SYNE1: variants seen among roughly 807,000 people sequenced by gnomAD.
SYNE1 encodes spectrin repeat containing nuclear envelope protein 1.
A neutral mutation model predicts 1,111.0 loss-of-function variants in SYNE1; 616 were observed. The ratio of observed to expected loss-of-function variants is 0.55; its 90% CI spans 0.52 to 0.59. The LOEUF (loss-of-function observed/expected upper bound fraction) is 0.59, where lower values mean the gene tolerates loss of function less well. Among genes scored for constraint, SYNE1 ranks in the 20% least tolerant of loss-of-function variants. The pLI, the probability that SYNE1 is intolerant of heterozygous loss-of-function variation, is 0.00. For missense variants in SYNE1, 10,006 were observed against 10,417.0 expected, an observed-to-expected ratio of 0.96 and a Z score of 1.72; for synonymous variants, 3,855 against 3,825.8, an observed-to-expected ratio of 1.01 and a Z score of -0.28.
chr6:152,544,468 T>G (rs1180110773), intron 3 of SYNE1, among the ~76,000 whole-genome samples: 1 of 152,104 alleles, frequency 6.6e-6, no homozygotes, highest in African/African-American at 2.4e-5. Flanking sequence ...CCTCAGGAAT[T>G]GGAGTCAGCT....
rs886042801 is a variant in SYNE1, at chr6:152,164,246, G to A, written c.23707C>T (p.His7903Tyr). 21 of 1,614,054 alleles carry A rather than the reference G, an allele frequency of 1.3e-5. No individual in the cohort carries two copies. The highest frequency in any genetic ancestry group is 1.8e-5 in the Non-Finnish European group (21 of 1,180,050). Residue 7903 changes from histidine to tyrosine, a missense_variant, in exon 131 of 146, where the codon CAC becomes TAC. His to Tyr is a moderately conservative substitution (Grantham distance 83). Coordinates refer to ENST00000367255, the MANE Select transcript of SYNE1 (RefSeq NM_182961.4). ...NMSSLRTWLA[H>Y]IESELAKPIV... ...GGCTTGGCCAGCTCTGACTCGATGT[G>A]AGCGAGCCAGGTCCTCAGGCTGCTC...
At chr6:152,510,498 C>T (rs2099079736) in intron 7 of SYNE1, 127 bp from the exon 8 acceptor site, 1 of 1,077,800 alleles carries the variant, frequency 9.3e-7, no homozygotes, top group Non-Finnish European at 1.4e-6. Context: ...AAAATGCAAG[C>T]TCTTAAAGGG....
At chr6:152,334,337 G>C (rs2096326994) in intron 76 of SYNE1, 64 bp from the exon 77 acceptor site, 3 of 1,573,690 alleles carry the variant, frequency 1.9e-6, no homozygotes, top group African/African-American at 2.7e-5. Context: ...AATATAGAGA[G>C]CAACACAGAC....
chr6:152,415,789 TAAAAAAAAAAAA>T lies in SYNE1; in HGVS notation c.6050+586_6050+597del, dbSNP rs1209590450. ...GTCGTTAATCTTATCTTCAAAGTGG[TAAAAAAAAAAAA>T]AAAAAAAAAAAAAAGAAGAGGAAGA... is the stretch of plus-strand genomic sequence containing the variant. On this transcript the variant is annotated intron_variant, in intron 41 of 145. Coordinates refer to ENST00000367255, the MANE Select transcript of SYNE1 (RefSeq NM_182961.4). Among the ~76,000 whole-genome samples the T allele has an allele frequency of 1.4e-4, 10 of 73,040 alleles. No individual in the cohort carries two copies. The East Asian group carries it at 4.1e-3, about 30-fold the overall frequency. 47.9% of individuals were successfully genotyped at this position (73,040 alleles called of 152,430 possible). A position where few individuals can be genotyped will look rare whatever the true frequency, so the allele number is the denominator to read the frequency against.
intron 4 of SYNE1, among the ~76,000 whole-genome samples, chr6:152,535,857 T>C (rs1398355354): frequency 6.6e-6 from 1 of 152,212 alleles, no homozygotes; most frequent in East Asian, 1.9e-4. Context: ...TTAAGATATA[T>C]TTTAAAATGT....
chr6:152,125,753 T>G (rs190058980), intron 145 of SYNE1: 124 of 159,868 alleles, frequency 7.8e-4, no homozygotes, highest in Non-Finnish European at 1.4e-3. Flanking sequence ...TAATTGATAG[T>G]ACAATCTGAC....
At chr6:152,631,510 T>A (rs1179826918) in intron 2 of SYNE1, among the ~76,000 whole-genome samples, 1 of 152,094 alleles carries the variant, frequency 6.6e-6, no homozygotes, top group Non-Finnish European at 1.5e-5. Flanking sequence ...TGAGAAGGTA[T>A]GATTGGGATT....
chr6:152,406,054 T>C (rs1053607546), intron 45 of SYNE1, among the ~76,000 whole-genome samples: 3 of 152,148 alleles, frequency 2.0e-5, no homozygotes, highest in Admixed American at 1.3e-4. Context: ...TTTTCCATTA[T>C]ATTTTCAATG....
At position 152,236,826 on chromosome 6, in the gene SYNE1, T is replaced by G. The variant is rs1244012304; in HGVS notation, c.20190A>C (p.Thr6730=). The change falls in exon 109 of 146, where the codon ACA becomes ACC. Residue 6730 remains threonine (T), a synonymous_variant. Transcript: ENST00000367255. ...GGCTTGTAACACCAACCTGGTAGAG[T>G]GTTATGCGGTCAATAAGCCTGTCCT... ...ENEDRLIDRI[T]LYQHLKSSLN... 6.2e-7 allele frequency: 1 copy of G among 1,613,998 alleles called. No homozygotes were observed. The highest frequency in any genetic ancestry group is 2.2e-5 in the East Asian group (1 of 44,882).
At chr6:152,180,556 G>C (rs1277698479) in intron 128 of SYNE1, among the ~76,000 whole-genome samples, 2 of 151,730 alleles carry the variant, frequency 1.3e-5, no homozygotes, top group Non-Finnish European at 2.9e-5. Flanking sequence ...GGATAGATAG[G>C]ATACATGACC....
At chr6:152,595,415 C>T (rs780076523) in intron 3 of SYNE1, among the ~76,000 whole-genome samples, 1 of 152,194 alleles carries the variant, frequency 6.6e-6, no homozygotes, top group Non-Finnish European at 1.5e-5. Context: ...TTTACTCAGC[C>T]TGGAATGCCT....
chr6:152,239,956 G>T (rs2085180631), intron 107 of SYNE1, among the ~76,000 whole-genome samples: 1 of 152,314 alleles, frequency 6.6e-6, no homozygotes, highest in East Asian at 1.9e-4. Context: ...TACTCAGGAG[G>T]CTGAGGCACA....
chr6:152,235,464 C>A (rs531213924), intron 110 of SYNE1, among the ~76,000 whole-genome samples: 1 of 152,022 alleles, frequency 6.6e-6, no homozygotes. Flanking sequence ...CGGGTTCAAG[C>A]GATTCTCCTG....
chr6:152,132,066 T>G (rs979053658), intron 144 of SYNE1, 56 bp downstream of exon 144: 1 of 1,518,058 alleles, frequency 6.6e-7, no homozygotes, highest in Non-Finnish European at 9.1e-7. Flanking sequence ...GCAAATACTG[T>G]CACTTCCCAG....
intron 3 of SYNE1, among the ~76,000 whole-genome samples, chr6:152,550,964 G>A (rs575715106): frequency 1.4e-4 from 21 of 152,240 alleles, no homozygotes; most frequent in Non-Finnish European, 1.8e-4. Context: ...AGAGCACAAA[G>A]CAATCAATAC....
chr6:152,483,193 T>C lies in SYNE1; in HGVS notation c.1242A>G (p.Ile414Met), dbSNP rs2098918498. ...DKSLPAPLGT[I>M]GAWLYRAEVA... ...CCTCCGCTCTGTACAGCCAGGCACCTATGGTGCCCAGAGGTGCAGGAAGAG... is the reference window on the plus strand; with the variant it reads ...CCTCCGCTCTGTACAGCCAGGCACCCATGGTGCCCAGAGGTGCAGGAAGAG... Residue 414 changes from isoleucine (I) to methionine (M), a missense_variant, in exon 14 of 146, where the codon ATA (isoleucine) becomes ATG (methionine). Coordinates refer to ENST00000367255, the MANE Select transcript of SYNE1 (RefSeq NM_182961.4). 5 of 1,613,968 alleles carry C rather than the reference T, an allele frequency of 3.1e-6. No individual in the cohort carries two copies. The highest frequency in any genetic ancestry group is 4.2e-6 in the Non-Finnish European group (5 of 1,179,928).
intron 34 of SYNE1, among the ~76,000 whole-genome samples, chr6:152,432,369 C>T (rs899958655): frequency 1.3e-5 from 2 of 152,096 alleles, no homozygotes; most frequent in African/African-American, 4.8e-5. Flanking sequence ...ACCTAATAGA[C>T]CAATTTCCAT....
chr6:152,165,099 C>G (rs979869886), intron 130 of SYNE1, among the ~76,000 whole-genome samples: 2 of 146,896 alleles, frequency 1.4e-5, no homozygotes, highest in African/African-American at 2.5e-5. Context: ...CACATTACTT[C>G]CAGGCATTTA....
intron 114 of SYNE1, among the ~76,000 whole-genome samples, chr6:152,230,966 A>C (rs1262070971): frequency 6.6e-6 from 1 of 152,166 alleles, no homozygotes; most frequent in Non-Finnish European, 1.5e-5. Context: ...ATTGCAAAAG[A>C]ATCTCATAAT....
Sources: gnomAD v4.1 joint callset for allele counts (sites outside exome capture counted in the v4.1 genomes callset) on GRCh38, gnomAD v4.1.1 for gene constraint, MANE v1.5 for transcripts, NCBI Gene and HGNC (gene_info 2026-07-23, HGNC 2026-07-21) for gene names.